The following MTMR10 variants were observed in gnomAD, a reference collection of about 807,000 sequenced individuals.
The protein encoded by MTMR10 is myotubularin-related protein 10.
A neutral mutation model predicts 88.1 loss-of-function variants in MTMR10; 56 were observed. The observed-to-expected ratio is 0.64, with a 90% CI of 0.51 to 0.79. The LOEUF (loss-of-function observed/expected upper bound fraction) is 0.79. Among genes scored for constraint, MTMR10 ranks in the 30% least tolerant of loss-of-function variants. The pLI, the probability that MTMR10 is intolerant of heterozygous loss-of-function variation, is 0.00. For missense variants in MTMR10, 883 were observed against 924.7 expected (o/e 0.95, Z 0.58); for synonymous variants, 380 against 340.9 (o/e 1.11, Z -1.26).
intron 14 of MTMR10, chr15:30,943,866 G>A: frequency 2.0e-6 from 2 of 985,420 alleles, no homozygotes; most frequent in Non-Finnish European, 2.4e-6. Context: ...GTGGAGAAAG[G>A]ACTCTCATCT....
chr15:30,990,065 G>T (rs1333863390), intron 2 of MTMR10, among the ~76,000 whole-genome samples: 1 of 151,838 alleles, frequency 6.6e-6, no homozygotes, highest in African/African-American at 2.4e-5. Flanking sequence ...CATCTCTAAG[G>T]TCACCTATAG....
chr15:30,941,833 CCA>C lies in MTMR10; in HGVS notation c.1969_1970del (p.Trp657GlufsTer30), dbSNP rs2063065881. On this transcript the variant is annotated frameshift_variant, in exon 16 of 16. Coordinates refer to ENST00000435680, the MANE Select transcript of MTMR10 (RefSeq NM_017762.3). LOFTEE classifies it high-confidence loss of function. ...GAACCCAGCGGAAGTAGCACAGTTT[CCA>C]CAGTTTTATGTGTGTTCCAGAGACA... ...PRVSGTHIKLWKLCYFRWVPE... is the reference protein window; with the variant it reads ...PRVSGTHIKLXKLCYFRWVPE... The C allele has an allele frequency of 2.5e-6, 4 of 1,614,044 alleles. No homozygotes were observed. Among genetic ancestry groups the C allele is most frequent in the Non-Finnish European group, 3.4e-6 (4 of 1,179,892 alleles).
At chr15:30,961,487 T>A (rs2063401918) in intron 6 of MTMR10, among the ~76,000 whole-genome samples, 1 of 152,214 alleles carries the variant, frequency 6.6e-6, no homozygotes, top group Non-Finnish European at 1.5e-5. Flanking sequence ...GTGCCCCACC[T>A]GCCTTGGCCT....
At chr15:30,955,421 C>T (rs1469033714) in intron 9 of MTMR10, among the ~76,000 whole-genome samples, 2 of 152,170 alleles carry the variant, frequency 1.3e-5, no homozygotes, top group Non-Finnish European at 2.9e-5. Context: ...CAGGCACCCG[C>T]CACCACACCT....
At chr15:30,948,551 A>G in intron 12 of MTMR10, 80 bp from the exon 13 acceptor site, 1 of 1,424,706 alleles carries the variant, frequency 7.0e-7, no homozygotes, top group Non-Finnish European at 9.5e-7. Flanking sequence ...AAACTAGATA[A>G]TTTAGTATTC....
chr15:30,991,546 G>A lies in MTMR10; in HGVS notation c.-40C>T. 1 of 1,531,472 alleles carries A rather than the reference G, an allele frequency of 6.5e-7. No homozygotes were observed. The highest frequency in any genetic ancestry group is 8.7e-7 in the Non-Finnish European group (1 of 1,147,454). The allele number at this position is 1,531,472 out of a possible 1,614,324, so 94.9% of individuals were successfully genotyped here. On this transcript the variant is annotated 5_prime_UTR_variant, in exon 1 of 16. Transcript: ENST00000435680. Reference sequence around the variant, plus strand: ...TTCGCCCCGTTCCCGTCGCGGGCCAGTGGCAGCGCCGACGCCTCCGGGCGT... The same window carrying A: ...TTCGCCCCGTTCCCGTCGCGGGCCAATGGCAGCGCCGACGCCTCCGGGCGT...
At position 30,940,066 on chromosome 15, in the gene MTMR10, GA is replaced by G. The variant is rs1395106326; in HGVS notation, c.*1403del. 6.6e-5 allele frequency: 65 copies of G among 982,298 alleles called. No individual in the cohort carries two copies. Among genetic ancestry groups the G allele is most frequent in the Non-Finnish European group, 7.9e-5 (65 of 827,202 alleles). 60.8% of individuals were successfully genotyped at this position (982,298 alleles called of 1,614,324 possible). Reference sequence around the variant, plus strand: ...AGTTATCTTGAAAACACTTGTTTTAGAAAAGGAAATAAGCTAACTAGACACT... The same window carrying G: ...AGTTATCTTGAAAACACTTGTTTTAGAAAGGAAATAAGCTAACTAGACACT... On this transcript the variant is annotated 3_prime_UTR_variant, in exon 16 of 16. Coordinates refer to ENST00000435680, the MANE Select transcript of MTMR10 (RefSeq NM_017762.3).
At chr15:30,954,709 C>T (rs2141011853) in intron 10 of MTMR10, 54 bp downstream of exon 10, 2 of 1,458,134 alleles carry the variant, frequency 1.4e-6, no homozygotes, top group Non-Finnish European at 1.8e-6. Context: ...CCTGACATCT[C>T]ATGCAACTCT....
At chr15:30,966,923 A>G (rs962445892) in intron 6 of MTMR10, among the ~76,000 whole-genome samples, 1 of 151,216 alleles carries the variant, frequency 6.6e-6, no homozygotes, top group African/African-American at 2.4e-5. Flanking sequence ...AAACTAAGGA[A>G]AATTTACTTA....
intron 6 of MTMR10, among the ~76,000 whole-genome samples, chr15:30,961,932 A>G (rs2063407718): frequency 6.6e-6 from 1 of 152,228 alleles, no homozygotes; most frequent in Non-Finnish European, 1.5e-5. Context: ...TTTTGCCTGG[A>G]AAAATGAAAC....
the MTMR10 span, chr15:30,927,860 C>A: frequency 3.9e-5 from 38 of 985,580 alleles, no homozygotes; most frequent in Non-Finnish European, 4.5e-5. Flanking sequence ...CCACACCAGA[C>A]CCTGCCTCTG....
At chr15:30,929,542 CATATATA>C in the MTMR10 span, 1 of 202,010 alleles carries the variant, frequency 5.0e-6, no homozygotes, top group Non-Finnish European at 9.0e-6. Context: ...TAGTATATAT[CATATATA>C]AAATATATAT....
chr15:30,991,470 A>T lies in MTMR10; in HGVS notation c.37T>A (p.Ser13Thr). The T allele has an allele frequency of 6.6e-7, 1 of 1,513,390 alleles. No homozygotes were observed. The highest frequency in any genetic ancestry group is 2.7e-5 in the East Asian group (1 of 36,830). 93.7% of individuals were successfully genotyped at this position (1,513,390 alleles called of 1,614,324 possible). ...SLKPPKPTFR[S>T]YLLPPPQTDD... ...ACCTGGGGCGGTGGCAGGAGGTAGG[A>T]CCTGAAGGTGGGTTTGGGCGGCTTG... The change falls in exon 1 of 16, where the codon TCC (serine) becomes ACC (threonine). Residue 13 changes from serine (S) to threonine (T), a missense_variant. Ser to Thr is a moderately conservative substitution (Grantham distance 58). Around this residue, in one of 3 missense-constraint regions of MTMR10, gnomAD observed 414 missense variants for 423.2 expected, o/e 0.98. Coordinates refer to ENST00000435680, the MANE Select transcript of MTMR10 (RefSeq NM_017762.3).
chr15:30,920,669 C>T, the MTMR10 span: 2 of 1,454,868 alleles, frequency 1.4e-6, no homozygotes, highest in Non-Finnish European at 1.9e-6. Context: ...AGCACAGGTC[C>T]CTGCCCCCCA....
At chr15:30,989,252 G>A (rs1819127668) in intron 2 of MTMR10, among the ~76,000 whole-genome samples, 2 of 152,120 alleles carry the variant, frequency 1.3e-5, no homozygotes, top group South Asian at 2.1e-4. Flanking sequence ...CACACAGGGA[G>A]CAAGGGTTAC....
At chr15:30,938,505 C>G (rs1280412956), downstream of MTMR10, among the ~76,000 whole-genome samples, 2 of 152,122 alleles carry the variant, frequency 1.3e-5, no homozygotes, top group African/African-American at 2.4e-5. Flanking sequence ...TCCCTAATAA[C>G]TAGATAGGGG....
intron 6 of MTMR10, among the ~76,000 whole-genome samples, chr15:30,967,285 A>G (rs1187375228): frequency 6.6e-6 from 1 of 152,186 alleles, no homozygotes; most frequent in African/African-American, 2.4e-5. Flanking sequence ...TTAAAATTAC[A>G]TTTGTACGAA....
downstream of MTMR10, chr15:30,937,009 G>C: frequency 1.2e-6 from 1 of 820,680 alleles, no homozygotes; most frequent in Non-Finnish European, 2.0e-6. Flanking sequence ...CAAATACAGT[G>C]AGAGAGCAGA....
chr15:30,948,246 A>G, intron 13 of MTMR10, 56 bp downstream of exon 13: 2 of 1,498,696 alleles, frequency 1.3e-6, no homozygotes, highest in Middle Eastern at 1.7e-4. Context: ...TTAATGACAC[A>G]AATTTTATTT....
Sources: allele counts gnomAD v4.1 joint callset (sites outside exome capture counted in the v4.1 genomes callset), GRCh38; gene constraint gnomAD v4.1.1; regional missense constraint gnomAD v4.1.1; transcripts MANE v1.5; gene names NCBI Gene and HGNC (gene_info 2026-07-23, HGNC 2026-07-21).